SMAD2: variants seen among roughly 807,000 people sequenced by gnomAD.
SMAD2 encodes SMAD family member 2.
A neutral mutation model predicts 64.4 loss-of-function variants in SMAD2; 8 were observed. The ratio of observed to expected loss-of-function variants is 0.12; its 90% CI spans 0.07 to 0.22. SMAD2 has a LOEUF of 0.22. Among genes scored for constraint, SMAD2 ranks in the 10% least tolerant of loss-of-function variants. SMAD2 has a pLI of 1.00. For synonymous variants in SMAD2, 203 were observed against 195.8 expected (o/e 1.04, Z -0.31); for missense variants, 289 against 561.2 (o/e 0.51, Z 4.90).
chr18:47,858,361 A>G (rs1229988963), intron 6 of SMAD2, among the ~76,000 whole-genome samples: 1 of 152,218 alleles, frequency 6.6e-6, no homozygotes, highest in Non-Finnish European at 1.5e-5. Context: ...TTGATTTTCA[A>G]CAAAGGAGCC....
chr18:47,876,313 C>T (rs2032259499), intron 2 of SMAD2, among the ~76,000 whole-genome samples: 1 of 151,986 alleles, frequency 6.6e-6, no homozygotes, highest in Admixed American at 6.6e-5. Context: ...ATACTGTTTA[C>T]TAACAAATTA....
chr18:47,863,009 AACAAGTGCTTGTTCGT>A (rs1391076008), intron 6 of SMAD2, among the ~76,000 whole-genome samples: 1 of 152,132 alleles, frequency 6.6e-6, no homozygotes, highest in Admixed American at 6.5e-5. Flanking sequence ...AGAAAAAAGT[AACAAGTGCTTGTTCGT>A]ACACTTACTT....
At chr18:47,882,974 G>C (rs964425623) in intron 2 of SMAD2, among the ~76,000 whole-genome samples, 1 of 152,080 alleles carries the variant, frequency 6.6e-6, no homozygotes, top group African/African-American at 2.4e-5. Context: ...TACCAATATA[G>C]GTCATTTGTG....
At chr18:47,867,200 A>G (rs1311146607) in intron 5 of SMAD2, 1 of 152,064 alleles carries the variant, frequency 6.6e-6, no homozygotes, top group East Asian at 1.9e-4. Context: ...TGTATTTCCT[A>G]GCAACCCATA....
Position 47,896,596 on chromosome 18 carries a change from T to A in SMAD2, c.161A>T (p.Lys54Ile), listed in dbSNP as rs1445838443. The change falls in exon 2 of 11, where the codon AAA becomes ATA. Residue 54 changes from lysine (K) to isoleucine (I), a missense_variant. Coordinates refer to ENST00000262160, the MANE Select transcript of SMAD2 (RefSeq NM_005901.6). ...AVKSLVKKLK[K>I]TGRLDELEKA... The stretch of plus-strand genomic sequence containing the variant: ...CTCAAGCTCATCTAATCGTCCTGTT[T>A]TCTTTAGCTTCTTCACCAGACTTTT... 6.2e-7 allele frequency: 1 copy of A among 1,614,070 alleles called. No individual in the cohort carries two copies. Among genetic ancestry groups the A allele is most frequent in the East Asian group, 2.2e-5 (1 of 44,886 alleles).
intron 8 of SMAD2, among the ~76,000 whole-genome samples, chr18:47,847,688 AT>A: frequency 7.0e-6 from 1 of 142,674 alleles, no homozygotes; most frequent in Admixed American, 8.0e-5. Context: ...AAAAACAACT[AT>A]ATTTCCAAAG....
rs201375198 is a variant in SMAD2 at position 47,847,643 on chromosome 18, AAT to A, written c.997+830_997+831del. Reference sequence around the variant, plus strand: ...GTATTTCCAAAGCAAAAAAAAAAAAAATAGAGTGGCAACATTTCACCATTTTT... The same window carrying A: ...GTATTTCCAAAGCAAAAAAAAAAAAAAGAGTGGCAACATTTCACCATTTTT... On this transcript the variant is annotated intron_variant, in intron 8 of 10. Transcript: ENST00000262160. Among the ~76,000 whole-genome samples the A allele has an allele frequency of 7.6e-3, 1,152 of 150,942 alleles. 21 individuals are homozygous for A. The highest frequency in any genetic ancestry group is 0.027 in the African/African-American group (1,091 of 40,780).
At chr18:47,865,278 G>T in intron 5 of SMAD2, 145 bp from the exon 6 acceptor site, 1 of 591,816 alleles carries the variant, frequency 1.7e-6, no homozygotes, top group Non-Finnish European at 3.0e-6. Context: ...TGCATACTGA[G>T]GGTGTATAAT....
At chr18:47,922,180 A>G (rs890373580) in intron 1 of SMAD2, among the ~76,000 whole-genome samples, 1 of 152,232 alleles carries the variant, frequency 6.6e-6, no homozygotes, top group Non-Finnish European at 1.5e-5. Flanking sequence ...GGAAAATACA[A>G]AATATTCCCC....
intron 5 of SMAD2, among the ~76,000 whole-genome samples, chr18:47,865,913 C>G (rs563572844): frequency 6.6e-6 from 1 of 152,144 alleles, no homozygotes; most frequent in African/African-American, 2.4e-5. Flanking sequence ...AACTGTAATT[C>G]CAGGGAGGAA....
rs916615332 is a variant in SMAD2, at chr18:47,812,026, T to C, written c.*29801A>G. The C allele has an allele frequency of 1.3e-5, 2 of 152,164 alleles. No homozygotes were observed. Among genetic ancestry groups the C allele is most frequent in the Admixed American group, 6.5e-5 (1 of 15,272 alleles). The allele number at this position is 152,164 out of a possible 1,614,324, so 9.4% of individuals were successfully genotyped here. A position where few individuals can be genotyped will look rare whatever the true frequency, so the allele number is the denominator to read the frequency against. On this transcript the variant is annotated 3_prime_UTR_variant, in exon 11 of 11. Transcript: ENST00000262160. ...TAAAGAAATACCTGAGACTGGGTAATTTATAAAGGAAAGAGGTTTAATTGA... is the reference window on the plus strand; with the variant it reads ...TAAAGAAATACCTGAGACTGGGTAACTTATAAAGGAAAGAGGTTTAATTGA...
At position 47,813,633 on chromosome 18, in the gene SMAD2, C is replaced by T. The variant is rs1912275121; in HGVS notation, c.*28194G>A. ...ATGTTGGCCAGACTGGTCTCAAACT[C>T]GTGACCTCATGATCCACCTGCCTCG... On this transcript the variant is annotated 3_prime_UTR_variant, in exon 11 of 11. Transcript: ENST00000262160. 1 of 150,918 alleles carries T rather than the reference C, an allele frequency of 6.6e-6. No homozygotes were observed. Among genetic ancestry groups the T allele is most frequent in the South Asian group, 2.1e-4 (1 of 4,762 alleles). The allele number at this position is 150,918 out of a possible 1,614,324, so 9.3% of individuals were successfully genotyped here.
At position 47,835,762 on chromosome 18, in the gene SMAD2, C is replaced by T. The variant is rs1010419175; in HGVS notation, c.*6065G>A. ...AAGTACTTTTATAATTCTAAAACTT[C>T]ACTTTTGTCCTTAAATCAATATATT... On this transcript the variant is annotated 3_prime_UTR_variant, in exon 11 of 11. Coordinates refer to ENST00000262160, the MANE Select transcript of SMAD2 (RefSeq NM_005901.6). 5.4e-4 allele frequency: 103 copies of T among 189,360 alleles called. 2 individuals are homozygous for T. Among genetic ancestry groups the T allele is most frequent in the Non-Finnish European group, 2.0e-4 (18 of 90,114 alleles). 11.7% of individuals were successfully genotyped at this position (189,360 alleles called of 1,614,324 possible).
chr18:47,826,024 G>A lies in SMAD2; in HGVS notation c.*15803C>T, dbSNP rs1332896383. ...GTGATTCTTTCTACTTTCTAGTGCT[G>A]TACAGGATAGGCTCAGCGTTTGGAG... On this transcript the variant is annotated 3_prime_UTR_variant, in exon 11 of 11. Coordinates refer to ENST00000262160, the MANE Select transcript of SMAD2 (RefSeq NM_005901.6). 1.3e-5 allele frequency: 2 copies of A among 152,232 alleles called. No homozygotes were observed. The highest frequency in any genetic ancestry group is 6.5e-5 in the Admixed American group (1 of 15,286). The allele number at this position is 152,232 out of a possible 1,614,324, so 9.4% of individuals were successfully genotyped here.
intron 6 of SMAD2, among the ~76,000 whole-genome samples, chr18:47,857,607 T>C (rs202034112): frequency 1.6e-4 from 24 of 152,260 alleles, no homozygotes; most frequent in Admixed American, 9.2e-4. Context: ...AATAAGTCCA[T>C]AGGAACTAAT....
At chr18:47,920,313 T>G (rs1191947527) in intron 1 of SMAD2, 1 of 152,218 alleles carries the variant, frequency 6.6e-6, no homozygotes, top group Non-Finnish European at 1.5e-5. Flanking sequence ...CAAGATGAAA[T>G]CATAATTTAA....
Position 47,834,760 on chromosome 18 carries a change from C to T in SMAD2, c.*7067G>A, listed in dbSNP as rs1836629368. ...ACAAATCTTCTAAAGGTTCTTCTAGCTTTGTCCAGTTATATGGTATTTTAC... is the reference window on the plus strand; with the variant it reads ...ACAAATCTTCTAAAGGTTCTTCTAGTTTTGTCCAGTTATATGGTATTTTAC... On this transcript the variant is annotated 3_prime_UTR_variant, in exon 11 of 11. Transcript: ENST00000262160. The T allele has an allele frequency of 9.0e-6, 2 of 221,388 alleles. No individual in the cohort carries two copies. The highest frequency in any genetic ancestry group is 4.5e-5 in the African/African-American group (2 of 44,686). 13.7% of individuals were successfully genotyped at this position (221,388 alleles called of 1,614,324 possible). A position where few individuals can be genotyped will look rare whatever the true frequency, so the allele number is the denominator to read the frequency against.
In SMAD2 at chr18:47,882,041, C is replaced by CTTTTTTTTTTTTTTTT. The variant is rs71162900; in HGVS notation, c.237-11493_237-11478dup. 6.3e-3 allele frequency among the ~76,000 whole-genome samples: 243 copies of CTTTTTTTTTTTTTTTT among 38,866 alleles called. 51 individuals carry two copies. Among genetic ancestry groups the CTTTTTTTTTTTTTTTT allele is most frequent in the African/African-American group, 0.01 (104 of 9,918 alleles). 25.5% of individuals were successfully genotyped at this position (38,866 alleles called of 152,430 possible). On this transcript the variant is annotated intron_variant, in intron 2 of 10. Coordinates refer to ENST00000262160, the MANE Select transcript of SMAD2 (RefSeq NM_005901.6). ...CACAGGAATGTACTACCACGCTTGG[C>CTTTTTTTTTTTTTTTT]TTTTTTTTTTTTTTTTTTTTTTTTT... is the stretch of plus-strand genomic sequence containing the variant.
At chr18:47,869,495 G>A (rs2144380488) in intron 3 of SMAD2, 59 bp from the exon 4 acceptor site, 3 of 1,026,782 alleles carry the variant, frequency 2.9e-6, no homozygotes, top group Admixed American at 4.1e-5. Flanking sequence ...AAAAAAAAGT[G>A]CAGTCAAATG....
Sources: gnomAD v4.1 joint callset for allele counts (sites outside exome capture counted in the v4.1 genomes callset) on GRCh38, gnomAD v4.1.1 for gene constraint, MANE v1.5 for transcripts, NCBI Gene and HGNC (gene_info 2026-07-23, HGNC 2026-07-21) for gene names.